DLGAP2: variants seen among roughly 807,000 people sequenced by gnomAD.
DLGAP2 encodes the protein disks large-associated protein 2.
DLGAP2 carries 26 observed loss-of-function variants against 100.3 expected under a neutral mutation model. The ratio of observed to expected loss-of-function variants is 0.26; its 90% CI spans 0.19 to 0.36. The LOEUF (loss-of-function observed/expected upper bound fraction) is 0.36. Among genes scored for constraint, DLGAP2 ranks in the 10% least tolerant of loss-of-function variants. The pLI is 1.00. For missense variants in DLGAP2, 1,858 were observed against 1,453.2 expected, an observed-to-expected ratio of 1.28 and a Z score of -4.53; for synonymous variants, 886 against 630.1, an observed-to-expected ratio of 1.41 and a Z score of -6.08.
intron 2 of DLGAP2, among the ~76,000 whole-genome samples, chr8:1,233,909 G>T (rs1434081080): frequency 6.6e-6 from 1 of 152,206 alleles, no homozygotes; most frequent in Non-Finnish European, 1.5e-5. Flanking sequence ...GATAATAATT[G>T]TAATGGTATT....
At chr8:1,438,351 C>G (rs1019161878) in intron 3 of DLGAP2, among the ~76,000 whole-genome samples, 1 of 152,096 alleles carries the variant, frequency 6.6e-6, no homozygotes, top group African/African-American at 2.4e-5. Context: ...TTACAGTTAG[C>G]GTTTTGGTCT....
At chr8:1,544,456 T>A (rs1801463768) in intron 4 of DLGAP2, among the ~76,000 whole-genome samples, 1 of 152,188 alleles carries the variant, frequency 6.6e-6, no homozygotes, top group Non-Finnish European at 1.5e-5. Flanking sequence ...GCTGTGGGTT[T>A]CCCATAAATG....
At chr8:1,088,693 C>G (rs1025031312) in intron 2 of DLGAP2, among the ~76,000 whole-genome samples, 4 of 150,350 alleles carry the variant, frequency 2.7e-5, no homozygotes, top group African/African-American at 9.8e-5. Context: ...ACTCCCCAGT[C>G]TCATTCTCTC....
chr8:1,565,863 A>T lies in DLGAP2; in HGVS notation c.1411A>T (p.Ile471Phe). The T allele has an allele frequency of 6.2e-7, 1 of 1,611,516 alleles. No individual in the cohort carries two copies. Among genetic ancestry groups the T allele is most frequent in the Non-Finnish European group, 8.5e-7 (1 of 1,178,786 alleles). ...AILPEPLLKS[I>F]GQRPLGEHQT... Reference sequence around the variant, plus strand: ...CCTACCAGAGCCGCTGCTGAAGTCCATCGGACAGAGACCGCTTGGAGAGCA... The same window carrying T: ...CCTACCAGAGCCGCTGCTGAAGTCCTTCGGACAGAGACCGCTTGGAGAGCA... Residue 471 changes from isoleucine to phenylalanine, a missense_variant, in exon 6 of 15, where the codon ATC (isoleucine) becomes TTC (phenylalanine). Coordinates refer to ENST00000637795, the MANE Select transcript of DLGAP2 (RefSeq NM_001346810.2).
intron 1 of DLGAP2, among the ~76,000 whole-genome samples, chr8:849,910 A>G (rs543237966): frequency 6.6e-6 from 1 of 152,068 alleles, no homozygotes; most frequent in African/African-American, 2.4e-5. Flanking sequence ...CTAAAAATAC[A>G]AACATTAGCT....
intron 6 of DLGAP2, among the ~76,000 whole-genome samples, chr8:1,591,741 C>T (rs1796297929): frequency 6.6e-6 from 1 of 152,220 alleles, no homozygotes. Flanking sequence ...GGCCCCACAT[C>T]ACACCCAACT....
intron 2 of DLGAP2, among the ~76,000 whole-genome samples, chr8:1,128,177 G>C (rs1410199492): frequency 1.3e-5 from 2 of 151,916 alleles, no homozygotes; most frequent in African/African-American, 2.4e-5. Context: ...TGTTCCGTGA[G>C]GACCTGCTCC....
At chr8:1,572,972 G>A (rs1386076283) in intron 6 of DLGAP2, among the ~76,000 whole-genome samples, 1 of 134,104 alleles carries the variant, frequency 7.5e-6, no homozygotes, top group African/African-American at 2.8e-5. Flanking sequence ...GAGATGGAGA[G>A]GAGAGAGGGT....
chr8:754,222 G>C (rs1820863107), intron 1 of DLGAP2: 1 of 152,194 alleles, frequency 6.6e-6, no homozygotes. Context: ...GACCCTGACG[G>C]ATTTCGTCCA....
rs545696998 is a variant in DLGAP2 at position 1,365,093 on chromosome 8, A to AT, written c.106+106211dup. Among the ~76,000 whole-genome samples, 15 of 152,338 alleles carry AT rather than the reference A, an allele frequency of 9.8e-5. No homozygotes were observed. In the East Asian group the frequency reaches 2.9e-3, roughly 29 times the overall value. ...AGAAACCCCGCAAGGACACGTTTTT[A>AT]TAAAGTAGATGCTCTACGAAGCGGG... On this transcript the variant is annotated intron_variant, in intron 3 of 14. Coordinates refer to ENST00000637795, the MANE Select transcript of DLGAP2 (RefSeq NM_001346810.2).
intron 1 of DLGAP2, among the ~76,000 whole-genome samples, chr8:761,503 C>T (rs1299299024): frequency 6.6e-6 from 1 of 152,224 alleles, no homozygotes; most frequent in African/African-American, 2.4e-5. Context: ...CATGGCGTTG[C>T]TTTTAAACAA....
At chr8:1,480,377 T>C (rs1799058027) in intron 3 of DLGAP2, among the ~76,000 whole-genome samples, 1 of 152,146 alleles carries the variant, frequency 6.6e-6, no homozygotes, top group Non-Finnish European at 1.5e-5. Flanking sequence ...TTCCTAATAC[T>C]CAGGGTCATG....
At position 1,169,035 on chromosome 8, in the gene DLGAP2, A is replaced by G. The variant is rs1465263026; in HGVS notation, c.74-89816A>G. On this transcript the variant is annotated intron_variant, in intron 2 of 14. Coordinates refer to ENST00000637795, the MANE Select transcript of DLGAP2 (RefSeq NM_001346810.2). ...TTTAGGTCTAACGTTTAAGTCTTTA[A>G]TCCATCTTGAATTGATTTTTGTATA... Among the ~76,000 whole-genome samples, 15 of 149,400 alleles carry G rather than the reference A, an allele frequency of 1.0e-4. No homozygotes were observed. The East Asian group carries it at 2.9e-3, about 29-fold the overall frequency.
At chr8:1,362,512 G>T (rs987300940) in intron 3 of DLGAP2, among the ~76,000 whole-genome samples, 6 of 152,070 alleles carry the variant, frequency 3.9e-5, no homozygotes, top group East Asian at 1.9e-4. Context: ...CCCTTACACT[G>T]TGTGGTCCCC....
intron 13 of DLGAP2, among the ~76,000 whole-genome samples, chr8:1,695,388 G>T: frequency 7.0e-6 from 1 of 142,872 alleles, no homozygotes; most frequent in East Asian, 2.0e-4. Context: ...GAAAGAGGGG[G>T]CACAGCCTTA....
intron 12 of DLGAP2, among the ~76,000 whole-genome samples, chr8:1,682,262 G>A (rs1798970588): frequency 6.6e-6 from 1 of 152,222 alleles, no homozygotes; most frequent in African/African-American, 2.4e-5. Flanking sequence ...GGCAGGAGCT[G>A]TAAGGAGGCA....
chr8:929,033 C>T (rs1246246613), intron 2 of DLGAP2, among the ~76,000 whole-genome samples: 1 of 131,212 alleles, frequency 7.6e-6, no homozygotes, highest in Admixed American at 7.8e-5. Flanking sequence ...CATCCCAGAC[C>T]CCCTGCCATT....
At chr8:1,165,444 G>T (rs1273477511) in intron 2 of DLGAP2, among the ~76,000 whole-genome samples, 1 of 152,222 alleles carries the variant, frequency 6.6e-6, no homozygotes, top group Non-Finnish European at 1.5e-5. Flanking sequence ...CTCAAAGTGT[G>T]CATGTGTGTC....
chr8:1,663,084 C>T (rs1447096785), intron 8 of DLGAP2, among the ~76,000 whole-genome samples: 6 of 82,196 alleles, frequency 7.3e-5, no homozygotes, highest in African/African-American at 1.0e-4. Flanking sequence ...TGCGTTTGTA[C>T]ATGTGTGTGG....
Sources: allele counts gnomAD v4.1 joint callset (sites outside exome capture counted in the v4.1 genomes callset), GRCh38; gene constraint gnomAD v4.1.1; transcripts MANE v1.5; gene names NCBI Gene and HGNC (gene_info 2026-07-23, HGNC 2026-07-21).